Variants in NSUN6 observed in about 807,000 individuals in gnomAD.
The protein encoded by NSUN6 is tRNA (cytosine(72)-C(5))-methyltransferase NSUN6.
A neutral mutation model predicts 58.0 loss-of-function variants in NSUN6; 64 were observed. The ratio of observed to expected loss-of-function variants is 1.10; its 90% CI spans 0.90 to 1.36. The LOEUF is 1.36. NSUN6 is among the 40% of genes most tolerant of loss of function. The pLI is 0.00. For missense variants in NSUN6, 701 were observed against 550.1 expected, an observed-to-expected ratio of 1.27 and a Z score of -2.74; for synonymous variants, 231 against 193.9, an observed-to-expected ratio of 1.19 and a Z score of -1.59.
chr10:18,580,102 T>C (rs1239853412), intron 8 of NSUN6, among the ~76,000 whole-genome samples: 5 of 152,152 alleles, frequency 3.3e-5, no homozygotes, highest in Non-Finnish European at 5.9e-5. Flanking sequence ...ACATGACTTC[T>C]GGAATAAGGG....
chr10:18,656,320 C>T (rs1428690523), upstream of NSUN6, among the ~76,000 whole-genome samples: 3 of 152,134 alleles, frequency 2.0e-5, no homozygotes, highest in Non-Finnish European at 4.4e-5. Context: ...AGGTGGATCA[C>T]GAGGTCAGGA....
chr10:18,642,729 T>G (rs1297002412), intron 2 of NSUN6, among the ~76,000 whole-genome samples, 174 bp from the exon 3 acceptor site: 2 of 152,174 alleles, frequency 1.3e-5, no homozygotes, highest in East Asian at 3.9e-4. Flanking sequence ...CAACAATGTT[T>G]TCTCTATTTT....
chr10:18,609,439 G>C (rs1461512135), intron 6 of NSUN6, among the ~76,000 whole-genome samples: 1 of 152,056 alleles, frequency 6.6e-6, no homozygotes, highest in South Asian at 2.1e-4. Flanking sequence ...AGTCCTAACA[G>C]ATCTGTTCTT....
At chr10:18,552,038 T>C in intron 8 of NSUN6, 67 bp from the exon 9 acceptor site, 1 of 849,188 alleles carries the variant, frequency 1.2e-6, no homozygotes, top group Non-Finnish European at 1.8e-6. Flanking sequence ...ACTCCTGAGA[T>C]GAGCAGGAAT....
intron 3 of NSUN6, among the ~76,000 whole-genome samples, chr10:18,629,655 G>A (rs1007936779): frequency 3.3e-5 from 5 of 151,828 alleles, no homozygotes; most frequent in African/African-American, 1.2e-4. Flanking sequence ...AGGAGACAAA[G>A]AAGGTCATTA....
At chr10:18,618,698 A>G (rs1048562902) in intron 3 of NSUN6, among the ~76,000 whole-genome samples, 16 of 151,712 alleles carry the variant, frequency 1.1e-4, no homozygotes, top group South Asian at 4.2e-4. Context: ...AAAAAAAAAA[A>G]AAAGAAACGT....
At chr10:18,577,770 ACCCTGACTCATTCTGATTACCTGCTCCT>A (rs2056725092) in intron 8 of NSUN6, among the ~76,000 whole-genome samples, 1 of 152,140 alleles carries the variant, frequency 6.6e-6, no homozygotes, top group Non-Finnish European at 1.5e-5. Flanking sequence ...CACCTGCTCC[ACCCTGACTCATTCTGATTACCTGCTCCT>A]CCCTGACTCA....
intron 6 of NSUN6, among the ~76,000 whole-genome samples, chr10:18,596,637 T>C (rs1016344929): frequency 1.3e-5 from 2 of 152,086 alleles, no homozygotes; most frequent in Non-Finnish European, 2.9e-5. Context: ...AAATAACCCA[T>C]ATTATTTCCT....
At chr10:18,612,476 A>G (rs1238962333) in intron 5 of NSUN6, among the ~76,000 whole-genome samples, 3 of 152,216 alleles carry the variant, frequency 2.0e-5, no homozygotes, top group Non-Finnish European at 1.5e-5. Flanking sequence ...ACCTTGATCA[A>G]TACCCAGAAT....
chr10:18,614,570 T>G lies in NSUN6; in HGVS notation c.465A>C (p.Lys155Asn). ...CTTTGGCTCCTTTCTTACATTTTCC[T>G]TTAATATCAGAGTATACAGAAATAA... is the stretch of plus-strand genomic sequence containing the variant. ...GDVISVYSDI[K>N]GKCKKGAKEF... is the part of the protein sequence containing the mutation. Residue 155 changes from lysine to asparagine, a missense_variant, in exon 5 of 11, where the codon AAA becomes AAC. Physicochemically the swap from Lys to Asn is moderately conservative, Grantham distance 94. Transcript: ENST00000377304. The G allele has an allele frequency of 6.6e-7, 1 of 1,511,362 alleles. No homozygotes were observed. The highest frequency in any genetic ancestry group is 9.0e-7 in the Non-Finnish European group (1 of 1,114,226). 93.6% of individuals were successfully genotyped at this position (1,511,362 alleles called of 1,614,324 possible). A position where few individuals can be genotyped will look rare whatever the true frequency, so the allele number is the denominator to read the frequency against.
chr10:18,602,872 A>G (rs1363241831), intron 6 of NSUN6, among the ~76,000 whole-genome samples: 1 of 152,244 alleles, frequency 6.6e-6, no homozygotes, highest in Non-Finnish European at 1.5e-5. Context: ...CATCTCAAAA[A>G]GGAAGTAGCT....
chr10:18,570,446 C>CTCCAT (rs139759463), intron 8 of NSUN6, among the ~76,000 whole-genome samples: 30,276 of 148,392 alleles, frequency 0.2, 3,340 homozygotes, highest in South Asian at 0.3. Flanking sequence ...CCATTCCATT[C>CTCCAT]TCCATTCCAT....
At chr10:18,583,914 CGTTT>C (rs948933684) in intron 8 of NSUN6, among the ~76,000 whole-genome samples, 8 of 152,146 alleles carry the variant, frequency 5.3e-5, no homozygotes, top group African/African-American at 1.7e-4. Flanking sequence ...CCCTATTCCC[CGTTT>C]GTTTCCTACT....
rs962184941 is a variant in NSUN6 at position 18,606,503 on chromosome 10, T to C, written c.657+3342A>G. On this transcript the variant is annotated intron_variant, in intron 6 of 10. Coordinates refer to ENST00000377304, the MANE Select transcript of NSUN6 (RefSeq NM_182543.5). ...AAAACTGGTGAAATCTGAATACCAG[T>C]TGGAGTTTAGGGTAATGTGATATTC... is the stretch of plus-strand genomic sequence containing the variant. Among the ~76,000 whole-genome samples the C allele has an allele frequency of 3.9e-5, 6 of 152,104 alleles. No homozygotes were observed. The East Asian group carries it at 7.7e-4, about 20-fold the overall frequency.
At chr10:18,639,222 C>T (rs1054235360) in intron 3 of NSUN6, among the ~76,000 whole-genome samples, 2 of 151,994 alleles carry the variant, frequency 1.3e-5, no homozygotes, top group Non-Finnish European at 2.9e-5. Context: ...AGGCCGGGTG[C>T]GGTGGCTCAC....
chr10:18,639,949 A>T (rs1328896708), intron 3 of NSUN6, among the ~76,000 whole-genome samples: 2 of 152,234 alleles, frequency 1.3e-5, no homozygotes, highest in Non-Finnish European at 2.9e-5. Flanking sequence ...TTCTGCAGAC[A>T]TGCTTATGCA....
At chr10:18,613,588 T>C (rs138545417) in intron 5 of NSUN6, among the ~76,000 whole-genome samples, 82 of 152,264 alleles carry the variant, frequency 5.4e-4, no homozygotes, top group African/African-American at 1.8e-3. Context: ...GGTCCAAAGA[T>C]AAACACAGCA....
chr10:18,565,271 G>A (rs138480623), intron 8 of NSUN6, among the ~76,000 whole-genome samples: 2 of 129,624 alleles, frequency 1.5e-5, no homozygotes, highest in African/African-American at 2.7e-5. Flanking sequence ...AGTTCATTCC[G>A]TAATCAATTA....
At chr10:18,587,812 C>A (rs1470420999) in intron 7 of NSUN6, among the ~76,000 whole-genome samples, 1 of 152,080 alleles carries the variant, frequency 6.6e-6, no homozygotes, top group African/African-American at 2.4e-5. Flanking sequence ...CATGAGCCTA[C>A]ACATGGGCCC....
Sources: allele counts gnomAD v4.1 joint callset (sites outside exome capture counted in the v4.1 genomes callset), GRCh38; gene constraint gnomAD v4.1.1; transcripts MANE v1.5; gene names NCBI Gene and HGNC (gene_info 2026-07-23, HGNC 2026-07-21).